TRAPPC8: variants seen among roughly 807,000 people sequenced by gnomAD.
TRAPPC8 encodes trafficking protein particle complex subunit 8.
In TRAPPC8, 54 loss-of-function variants were observed where a neutral mutation model predicts 174.3. That is an observed-to-expected ratio of 0.31 (90% CI 0.25 to 0.39). The LOEUF is 0.39. Ranked by LOEUF, TRAPPC8 falls within the 10% of genes least tolerant of loss-of-function variation. TRAPPC8 has a pLI of 1.00. For synonymous variants in TRAPPC8, 630 were observed against 579.9 expected, an observed-to-expected ratio of 1.09 and a Z score of -1.24; for missense variants, 1,531 against 1,699.1, an observed-to-expected ratio of 0.90 and a Z score of 1.74.
chr18:31,916,427 A>T lies in TRAPPC8; in HGVS notation c.462T>A (p.Ser154=), dbSNP rs1054248520. 1 of 1,610,638 alleles carries T rather than the reference A, an allele frequency of 6.2e-7. No homozygotes were observed. The highest frequency in any genetic ancestry group is 1.3e-5 in the African/African-American group (1 of 74,718). The change falls in exon 4 of 29, where the codon TCT becomes TCA. Residue 154 remains serine (S), a synonymous_variant. Transcript: ENST00000283351. ...HYLACMLVAS[S]SEAEPVEQFS... is the part of the protein sequence containing the mutation. ...ACTGTTCCACAGGTTCAGCTTCACT[A>T]GATGACGCTACCAACATACCTTGTA...
rs1410879576 is a variant in TRAPPC8, at chr18:31,943,033, G to A, written c.-269C>T. On this transcript the variant is annotated 5_prime_UTR_variant, in exon 1 of 29. Transcript: ENST00000283351. ...ACCCCGATAGGTGGAGACGCCGACA[G>A]TCACCACTTAGTCCTTCGGACGGCA... 2 of 565,522 alleles carry A rather than the reference G, an allele frequency of 3.5e-6. No homozygotes were observed. The highest frequency in any genetic ancestry group is 1.9e-5 in the African/African-American group (1 of 51,510). 35.0% of individuals were successfully genotyped at this position (565,522 alleles called of 1,614,324 possible).
In TRAPPC8 at chr18:31,852,337, C is replaced by T. The variant is rs566073768; in HGVS notation, c.3561+109G>A. 7.3e-5 allele frequency: 88 copies of T among 1,210,886 alleles called. No homozygotes were observed. The Admixed American group carries it at 1.2e-3, about 17-fold the overall frequency. 75.0% of individuals were successfully genotyped at this position (1,210,886 alleles called of 1,614,324 possible). Reference sequence around the variant, plus strand: ...GGGAGACAGAGCAAGACCTTGTCTCCCCCCCAAAAAAAAGCGTTTGGGAAT... The same window carrying T: ...GGGAGACAGAGCAAGACCTTGTCTCTCCCCCAAAAAAAAGCGTTTGGGAAT... On this transcript the variant is annotated intron_variant, in intron 24 of 28. Transcript: ENST00000283351.
intron 27 of TRAPPC8, among the ~76,000 whole-genome samples, chr18:31,838,519 C>T (rs1775565928): frequency 6.6e-6 from 1 of 152,140 alleles, no homozygotes; most frequent in African/African-American, 2.4e-5. Flanking sequence ...ACTCCCTGAT[C>T]CCTTTTCATA....
intron 1 of TRAPPC8, among the ~76,000 whole-genome samples, chr18:31,942,079 C>T (rs2038368810): frequency 6.6e-6 from 1 of 152,086 alleles, no homozygotes; most frequent in Admixed American, 6.6e-5. Flanking sequence ...AGCAAAATAC[C>T]GTATAGCTAA....
intron 27 of TRAPPC8, among the ~76,000 whole-genome samples, chr18:31,834,438 C>A (rs1432324405): frequency 6.6e-6 from 1 of 152,080 alleles, no homozygotes; most frequent in Non-Finnish European, 1.5e-5. Flanking sequence ...AACTGCTTTA[C>A]ACATTAGTTT....
In TRAPPC8 at chr18:31,875,742, A is replaced by C. The variant is rs547973093; in HGVS notation, c.1729-1038T>G. Among the ~76,000 whole-genome samples the C allele has an allele frequency of 1.1e-3, 168 of 152,354 alleles. No homozygotes were observed. The Middle Eastern group carries it at 0.017, about 15-fold the overall frequency. On this transcript the variant is annotated intron_variant, in intron 12 of 28. Coordinates refer to ENST00000283351, the MANE Select transcript of TRAPPC8 (RefSeq NM_014939.5). ...AAATTGCAAGGAATGCCAAAATCTTACAAGTATTGCAATAAGAATGCAATA... is the reference window on the plus strand; with the variant it reads ...AAATTGCAAGGAATGCCAAAATCTTCCAAGTATTGCAATAAGAATGCAATA...
chr18:31,852,142 C>T (rs1301902930), intron 24 of TRAPPC8, among the ~76,000 whole-genome samples: 5 of 152,028 alleles, frequency 3.3e-5, no homozygotes, highest in African/African-American at 9.7e-5. Flanking sequence ...GAGCTGGAGA[C>T]AAGCCTGGGC....
chr18:31,865,125 A>AT (rs1423119511), intron 18 of TRAPPC8, among the ~76,000 whole-genome samples: 1 of 152,236 alleles, frequency 6.6e-6, no homozygotes, highest in East Asian at 1.9e-4. Flanking sequence ...AATTTAGGCC[A>AT]TGAGAACGGT....
Position 31,852,604 on chromosome 18 carries a change from T to C in TRAPPC8, c.3493A>G (p.Lys1165Glu). The change falls in exon 23 of 29, where the codon AAA becomes GAA. Residue 1165 changes from lysine to glutamate, a missense_variant. Transcript: ENST00000283351. ...AGTAAAGTGAATTTACCTTCTTCTT[T>C]CTCACATCTTATTGCCTTAAAGCAA... ...KFCFKAIRCEKEEAATQSSEK... is the reference protein window; with the variant it reads ...KFCFKAIRCEEEEAATQSSEK... 2 of 1,614,084 alleles carry C rather than the reference T, an allele frequency of 1.2e-6. No individual in the cohort carries two copies. The highest frequency in any genetic ancestry group is 1.7e-6 in the Non-Finnish European group (2 of 1,179,990).
In TRAPPC8 at chr18:31,870,370, A is replaced by T; in HGVS notation, c.2388+2T>A. On this transcript the variant is annotated splice_donor_variant, in intron 16 of 28. Transcript: ENST00000283351. LOFTEE classifies it high-confidence loss of function. ...AATTACAAATACCTTTTAATAACTT[A>T]CTAGTTGTTTAACTTCTTCATTATC... 6.2e-7 allele frequency: 1 copy of T among 1,604,372 alleles called. No homozygotes were observed. The highest frequency in any genetic ancestry group is 8.5e-7 in the Non-Finnish European group (1 of 1,176,240).
intron 11 of TRAPPC8, chr18:31,895,651 A>G (rs1014504804): frequency 6.6e-6 from 1 of 152,340 alleles, no homozygotes; most frequent in East Asian, 1.9e-4. Context: ...GCAAGGAAGA[A>G]AAAAAGGAAT....
At chr18:31,844,952 A>C (rs1172715267) in intron 26 of TRAPPC8, 1 of 152,014 alleles carries the variant, frequency 6.6e-6, no homozygotes, top group African/African-American at 2.4e-5. Context: ...ACATGAGAAA[A>C]ACCCAAAGAG....
At chr18:31,898,360 T>A (rs1234944477) in intron 10 of TRAPPC8, among the ~76,000 whole-genome samples, 1 of 152,150 alleles carries the variant, frequency 6.6e-6, no homozygotes, top group Admixed American at 6.5e-5. Context: ...AAAGGTTTTT[T>A]AAAAAAATCT....
intron 26 of TRAPPC8, chr18:31,844,355 T>C (rs1225239356): frequency 6.6e-6 from 1 of 152,188 alleles, no homozygotes; most frequent in Non-Finnish European, 1.5e-5. Flanking sequence ...AAGAGAAAGA[T>C]TTCTGATTGG....
At chr18:31,866,454 A>C (rs1261052125) in intron 18 of TRAPPC8, among the ~76,000 whole-genome samples, 2 of 152,184 alleles carry the variant, frequency 1.3e-5, no homozygotes, top group African/African-American at 4.8e-5. Flanking sequence ...AGTGATGTGA[A>C]AACATAGGTC....
intron 28 of TRAPPC8, among the ~76,000 whole-genome samples, chr18:31,831,369 T>C (rs2032358794): frequency 6.6e-6 from 1 of 152,098 alleles, no homozygotes; most frequent in African/African-American, 2.4e-5. Flanking sequence ...CAAACATCCC[T>C]TTCATCTAAC....
intron 2 of TRAPPC8, among the ~76,000 whole-genome samples, chr18:31,929,703 G>A (rs912239751): frequency 6.6e-6 from 1 of 152,098 alleles, no homozygotes; most frequent in Non-Finnish European, 1.5e-5. Context: ...GAAACACTAA[G>A]TGACTTATTC....
intron 12 of TRAPPC8, among the ~76,000 whole-genome samples, chr18:31,879,626 A>C (rs896064332): frequency 2.0e-5 from 3 of 152,138 alleles, no homozygotes; most frequent in African/African-American, 7.2e-5. Flanking sequence ...GCAGATCTTT[A>C]TTCTTTAAAT....
rs1481192558 is a variant in TRAPPC8 at position 31,917,771 on chromosome 18, T to TTTTA, written c.353-105_353-104insTAAA. On this transcript the variant is annotated intron_variant, in intron 2 of 28. Transcript: ENST00000283351. ...TCCTAAAAGGTATAAAAAAAAAATT[T>TTTTA]CTAACAGTAAACAAGCATTTTTCAC... is the stretch of plus-strand genomic sequence containing the variant. The TTTTA allele has an allele frequency of 5.1e-4, 491 of 968,614 alleles. 5 individuals are homozygous for TTTTA. In the East Asian group the frequency reaches 0.011, roughly 22 times the overall value. The allele number at this position is 968,614 out of a possible 1,614,324, so 60.0% of individuals were successfully genotyped here.
Sources: allele counts gnomAD v4.1 joint callset (sites outside exome capture counted in the v4.1 genomes callset), GRCh38; gene constraint gnomAD v4.1.1; transcripts MANE v1.5; gene names NCBI Gene and HGNC (gene_info 2026-07-23, HGNC 2026-07-21).